The following NPAS3 variants were observed in gnomAD, a reference collection of about 807,000 sequenced individuals.
NPAS3 encodes neuronal PAS domain-containing protein 3.
NPAS3 carries 14 observed loss-of-function variants against 73.1 expected under a neutral mutation model. The observed-to-expected ratio is 0.19, with a 90% CI of 0.13 to 0.30. The LOEUF is 0.30. NPAS3 is among the 10% of genes least tolerant of loss of function. NPAS3 has a pLI of 1.00. For missense variants in NPAS3, 1,096 were observed against 1,250.0 expected, an observed-to-expected ratio of 0.88 and a Z score of 1.86; for synonymous variants, 620 against 541.5, an observed-to-expected ratio of 1.14 and a Z score of -2.01.
chr14:33,169,531 G>A (rs1311493722), intron 2 of NPAS3, among the ~76,000 whole-genome samples: 4 of 152,294 alleles, frequency 2.6e-5, no homozygotes, highest in African/African-American at 9.6e-5. Context: ...TCATGCCACT[G>A]TACTCCAGCC....
intron 2 of NPAS3, among the ~76,000 whole-genome samples, chr14:33,118,442 A>G (rs1453628260): frequency 5.9e-5 from 9 of 152,106 alleles, no homozygotes; most frequent in Non-Finnish European, 8.8e-5. Flanking sequence ...TTTACAGAAA[A>G]TGTTTATCTT....
chr14:33,222,979 T>C (rs1019822612), intron 3 of NPAS3, among the ~76,000 whole-genome samples: 28 of 152,024 alleles, frequency 1.8e-4, no homozygotes, highest in African/African-American at 6.3e-4. Flanking sequence ...TGCCCTGTGG[T>C]AGGGTTCCCC....
At chr14:33,539,288 G>T (rs1027973538) in intron 4 of NPAS3, among the ~76,000 whole-genome samples, 3 of 152,056 alleles carry the variant, frequency 2.0e-5, no homozygotes, top group African/African-American at 7.2e-5. Flanking sequence ...TTCAGGGCAG[G>T]ATTTTTTCAA....
chr14:33,376,827 C>T (rs2046335082), intron 4 of NPAS3, among the ~76,000 whole-genome samples: 1 of 152,144 alleles, frequency 6.6e-6, no homozygotes, highest in South Asian at 2.1e-4. Context: ...GAAAGTTTTC[C>T]TGGCTGGCAG....
chr14:33,079,401 C>A (rs1013642271), intron 2 of NPAS3, among the ~76,000 whole-genome samples: 1 of 148,334 alleles, frequency 6.7e-6, no homozygotes, highest in Non-Finnish European at 1.5e-5. Flanking sequence ...TCACTGCAAC[C>A]TCCGCCTCCC....
At chr14:33,294,591 G>A (rs2042221495) in intron 3 of NPAS3, among the ~76,000 whole-genome samples, 1 of 151,886 alleles carries the variant, frequency 6.6e-6, no homozygotes, top group Non-Finnish European at 1.5e-5. Context: ...TTTTTGCTTG[G>A]CTCTATATTC....
chr14:33,239,557 A>G (rs546648787), intron 3 of NPAS3, among the ~76,000 whole-genome samples: 41 of 152,004 alleles, frequency 2.7e-4, no homozygotes, highest in African/African-American at 9.9e-4. Flanking sequence ...GCTCACAGAC[A>G]AGATCATTTT....
At chr14:33,229,070 T>TA (rs1383800114) in intron 3 of NPAS3, among the ~76,000 whole-genome samples, 3 of 152,184 alleles carry the variant, frequency 2.0e-5, no homozygotes, top group African/African-American at 7.2e-5. Flanking sequence ...GCCCTCCAGA[T>TA]GTAAGGTAAA....
chr14:33,394,592 A>G (rs2047144359), intron 4 of NPAS3, among the ~76,000 whole-genome samples: 2 of 152,124 alleles, frequency 1.3e-5, no homozygotes, highest in Admixed American at 1.3e-4. Context: ...GCTAATTTTT[A>G]CTAATTTTGT....
chr14:33,568,937 G>A (rs2056088660), intron 5 of NPAS3, among the ~76,000 whole-genome samples: 2 of 152,220 alleles, frequency 1.3e-5, no homozygotes, highest in South Asian at 4.1e-4. Flanking sequence ...AATCATCATT[G>A]TTAAAGAGAC....
chr14:33,251,599 T>TA, intron 3 of NPAS3, among the ~76,000 whole-genome samples: 1 of 152,212 alleles, frequency 6.6e-6, no homozygotes, highest in Non-Finnish European at 1.5e-5. Flanking sequence ...ATATTTAATA[T>TA]TTTTTCTTCT....
At chr14:33,215,469 A>G in intron 3 of NPAS3, 43 bp downstream of exon 3, 2 of 1,606,538 alleles carry the variant, frequency 1.2e-6, no homozygotes. Context: ...GATGGTCTGT[A>G]GGGGTCTGTA....
chr14:33,479,062 C>T (rs1224027464), intron 4 of NPAS3, among the ~76,000 whole-genome samples: 1 of 152,130 alleles, frequency 6.6e-6, no homozygotes, highest in African/African-American at 2.4e-5. Flanking sequence ...TTTAACTTAA[C>T]CAATGTCATT....
Position 33,536,012 on chromosome 14 carries a change from G to T in NPAS3, c.469-24109G>T, listed in dbSNP as rs986672416. On this transcript the variant is annotated intron_variant, in intron 4 of 11. Coordinates refer to ENST00000356141, the Ensembl canonical transcript of NPAS3. ...TAGAACAGAGTAAAACCGCTGGAGA[G>T]AGGCCTCTGGCTCCTGACTTTGGCC... Among the ~76,000 whole-genome samples the T allele has an allele frequency of 2.0e-5, 3 of 152,152 alleles. No homozygotes were observed. The East Asian group carries it at 5.8e-4, about 29-fold the overall frequency.
chr14:33,347,272 GAC>G (rs1452004301), intron 3 of NPAS3, among the ~76,000 whole-genome samples: 5 of 152,160 alleles, frequency 3.3e-5, no homozygotes, highest in Non-Finnish European at 5.9e-5. Flanking sequence ...TATAATATCA[GAC>G]ACTGTATCAA....
intron 2 of NPAS3, among the ~76,000 whole-genome samples, chr14:33,125,336 T>C (rs2043388499): frequency 6.6e-6 from 1 of 152,038 alleles, no homozygotes; most frequent in African/African-American, 2.4e-5. Context: ...AAGAGTGAAA[T>C]TTATCTTCAG....
At chr14:33,508,589 G>T (rs576438479) in intron 4 of NPAS3, among the ~76,000 whole-genome samples, 1 of 152,110 alleles carries the variant, frequency 6.6e-6, no homozygotes, top group African/African-American at 2.4e-5. Flanking sequence ...CACACACAGG[G>T]CTCACACAAA....
intron 6 of NPAS3, among the ~76,000 whole-genome samples, chr14:33,676,714 C>T (rs1312107382): frequency 6.6e-6 from 1 of 152,104 alleles, no homozygotes; most frequent in Non-Finnish European, 1.5e-5. Flanking sequence ...AAATGTAATG[C>T]GTTTATTTAT....
chr14:33,758,871 T>C (rs944544341), intron 7 of NPAS3, among the ~76,000 whole-genome samples: 14 of 152,242 alleles, frequency 9.2e-5, no homozygotes, highest in Non-Finnish European at 1.9e-4. Flanking sequence ...TAACCCAGGC[T>C]TCCAAAAATG....
Sources: allele counts gnomAD v4.1 joint callset (sites outside exome capture counted in the v4.1 genomes callset), GRCh38; gene constraint gnomAD v4.1.1; transcripts MANE v1.5; gene names NCBI Gene and HGNC (gene_info 2026-07-23, HGNC 2026-07-21).